The following PARP4 variants were observed in gnomAD, a reference collection of about 807,000 sequenced individuals.
The protein encoded by PARP4 is protein mono-ADP-ribosyltransferase PARP4.
PARP4 carries 120 observed loss-of-function variants against 187.7 expected under a neutral mutation model. That is an observed-to-expected ratio of 0.64 (90% confidence interval 0.55 to 0.74). The LOEUF is 0.74. Among genes scored for constraint, PARP4 ranks in the 30% least tolerant of loss-of-function variants. The pLI is 0.00. For missense variants in PARP4, 1,836 were observed against 2,070.5 expected (o/e 0.89, Z 2.20); for synonymous variants, 654 against 740.9 (o/e 0.88, Z 1.90).
chr13:24,507,980 G>A (rs777159238), intron 1 of PARP4, among the ~76,000 whole-genome samples: 1 of 152,132 alleles, frequency 6.6e-6, no homozygotes, highest in Non-Finnish European at 1.5e-5. Context: ...TTTGAGGTCC[G>A]GTTAAACTGA....
Position 24,435,181 on chromosome 13 carries a change from A to G in PARP4, c.3960T>C (p.Ala1320=). Residue 1320 remains alanine (A), a synonymous_variant, in exon 31 of 34, where the codon GCT becomes GCC. Transcript: ENST00000381989. ...TSTSSFFPIL[A]PAVGSYLPPT... ...GGGGAAGATAGGAACCAACGGCCGG[A>G]GCCAAAATAGGAAAAAAGCTAGAAG... 1.2e-6 allele frequency: 2 copies of G among 1,614,202 alleles called. No homozygotes were observed. Among genetic ancestry groups the G allele is most frequent in the Non-Finnish European group, 1.7e-6 (2 of 1,180,028 alleles).
intron 33 of PARP4, among the ~76,000 whole-genome samples, chr13:24,425,599 C>CTATATATATATA (rs138449687): frequency 1.2e-4 from 16 of 138,076 alleles, no homozygotes; most frequent in African/African-American, 4.5e-4. Context: ...ATATCTATAT[C>CTATATATATATA]TATATCTATA....
At chr13:24,485,719 C>T (rs1046537048) in intron 11 of PARP4, among the ~76,000 whole-genome samples, 1 of 152,194 alleles carries the variant, frequency 6.6e-6, no homozygotes, top group African/African-American at 2.4e-5. Context: ...GGACTCTTCT[C>T]TTTAAATATT....
chr13:24,486,447 GAAGTATT>G, intron 10 of PARP4, 142 bp from the exon 11 acceptor site: 1 of 602,432 alleles, frequency 1.7e-6, no homozygotes, highest in Non-Finnish European at 2.9e-6. Flanking sequence ...GCATATCTTG[GAAGTATT>G]ATGTAGGTAT....
rs1379582258 is a variant in PARP4 at position 24,455,048 on chromosome 13, C to T, written c.2727G>A (p.Lys909=). 1.2e-6 allele frequency: 2 copies of T among 1,610,116 alleles called. No homozygotes were observed. Among genetic ancestry groups the T allele is most frequent in the East Asian group, 4.5e-5 (2 of 44,778 alleles). Residue 909 remains lysine (K), a synonymous_variant, in exon 22 of 34, where the codon AAG becomes AAA. Coordinates refer to ENST00000381989, the MANE Select transcript of PARP4 (RefSeq NM_006437.4). ...ALHALSLVGE[K]QKVNIIQFGT... ...CGAACTGGATAATATTTACTTTCTG[C>T]TTCTCACCCACCAAGGACAGCGCAT... is the stretch of plus-strand genomic sequence containing the variant.
chr13:24,467,780 T>A (rs975136778), intron 17 of PARP4, among the ~76,000 whole-genome samples: 4 of 152,312 alleles, frequency 2.6e-5, no homozygotes, highest in African/African-American at 4.8e-5. Context: ...ACCCTATTCC[T>A]AGGGAAATAT....
chr13:24,434,544 G>A lies in PARP4; in HGVS notation c.4597C>T (p.Gln1533Ter). The stretch of plus-strand genomic sequence containing the variant: ...TTTATTTGTAAAAAGCAGCTGTCTT[G>A]AAGTACTTCTGATAGCTCATCACTT... The part of the protein sequence containing the change: ...TESDELSEVL[Q>*]DSCFLQIKCD... The change falls in exon 31 of 34, where the codon CAA (glutamine) becomes TAA (stop). Residue 1533 changes from glutamine (Q) to a stop codon, truncating the protein, a stop_gained. Transcript: ENST00000381989. LOFTEE classifies it high-confidence loss of function. The A allele has an allele frequency of 1.9e-6, 3 of 1,613,892 alleles. No homozygotes were observed. The highest frequency in any genetic ancestry group is 2.5e-6 in the Non-Finnish European group (3 of 1,179,784).
At chr13:24,438,935 G>A (rs956965815) in intron 30 of PARP4, among the ~76,000 whole-genome samples, 9 of 152,204 alleles carry the variant, frequency 5.9e-5, no homozygotes, top group Non-Finnish European at 1.3e-4. Flanking sequence ...TCGAGGAAGA[G>A]TAACAGAGGC....
intron 3 of PARP4, among the ~76,000 whole-genome samples, chr13:24,501,096 T>A (rs975272312): frequency 6.6e-6 from 1 of 152,230 alleles, no homozygotes; most frequent in Non-Finnish European, 1.5e-5. Flanking sequence ...GTACGGTATC[T>A]AACACATACC....
intron 12 of PARP4, among the ~76,000 whole-genome samples, chr13:24,483,487 C>T (rs1216262025): frequency 3.2e-5 from 3 of 94,784 alleles, no homozygotes; most frequent in African/African-American, 1.3e-4. Flanking sequence ...AGCGAGACTC[C>T]GTCTCAAAAA....
chr13:24,423,854 A>C (rs1869884511), intron 33 of PARP4, among the ~76,000 whole-genome samples: 1 of 152,006 alleles, frequency 6.6e-6, no homozygotes, highest in African/African-American at 2.4e-5. Context: ...TTTTGTGGAG[A>C]CAGGGTCTTG....
At chr13:24,427,632 G>C (rs574765052) in intron 32 of PARP4, among the ~76,000 whole-genome samples, 2 of 152,188 alleles carry the variant, frequency 1.3e-5, no homozygotes, top group East Asian at 3.9e-4. Context: ...AAAGGACTTG[G>C]CATAGTATGT....
intron 6 of PARP4, among the ~76,000 whole-genome samples, chr13:24,497,292 T>A (rs1170156959): frequency 6.6e-6 from 1 of 152,162 alleles, no homozygotes; most frequent in East Asian, 1.9e-4. Flanking sequence ...GGATTGGAAA[T>A]GTCACAGTGG....
intron 25 of PARP4, among the ~76,000 whole-genome samples, chr13:24,447,998 G>C (rs1335083550): frequency 2.0e-5 from 3 of 152,150 alleles, no homozygotes; most frequent in Admixed American, 1.3e-4. Context: ...CTTGAGCTTG[G>C]GATTCGAGAC....
Position 24,451,237 on chromosome 13 carries a change from G to A in PARP4, c.3014+1169C>T, listed in dbSNP as rs76652050. ...GGAGGGGCTGCTGAGACCAGGAGAC[G>A]GTGCACAGGCTGCCCTGAGCGCAGC... On this transcript the variant is annotated intron_variant, in intron 24 of 33. Transcript: ENST00000381989. 2.7e-3 allele frequency among the ~76,000 whole-genome samples: 405 copies of A among 152,336 alleles called. 2 individuals are homozygous for A. Among genetic ancestry groups the A allele is most frequent in the Non-Finnish European group, 4.4e-3 (297 of 68,030 alleles).
intron 16 of PARP4, 150 bp downstream of exon 16, chr13:24,469,744 G>A (rs1312120064): frequency 1.2e-5 from 10 of 806,034 alleles, no homozygotes; most frequent in African/African-American, 1.2e-4. Flanking sequence ...GGCTCACTGC[G>A]CAAGAACTGA....
At chr13:24,434,304 T>G in intron 31 of PARP4, 91 bp downstream of exon 31, 1 of 1,232,892 alleles carries the variant, frequency 8.1e-7, no homozygotes, top group Non-Finnish European at 1.1e-6. Flanking sequence ...AGACTGATGA[T>G]AGACGGTTCC....
chr13:24,476,448 T>C (rs995727138), intron 14 of PARP4, among the ~76,000 whole-genome samples: 7 of 152,192 alleles, frequency 4.6e-5, no homozygotes. Flanking sequence ...GTCACTATTA[T>C]TTATGGTGCC....
At chr13:24,467,683 T>C (rs1163516840) in intron 17 of PARP4, among the ~76,000 whole-genome samples, 3 of 152,226 alleles carry the variant, frequency 2.0e-5, no homozygotes, top group Non-Finnish European at 4.4e-5. Context: ...CAATACATTC[T>C]GGGAGACCTG....
Sources: allele counts gnomAD v4.1 joint callset (sites outside exome capture counted in the v4.1 genomes callset), GRCh38; gene constraint gnomAD v4.1.1; transcripts MANE v1.5; gene names NCBI Gene and HGNC (gene_info 2026-07-23, HGNC 2026-07-21).